The following WNK1 variants were observed in gnomAD, a reference collection of about 807,000 sequenced individuals.
The protein encoded by WNK1 is WNK lysine deficient protein kinase 1.
Under a neutral mutation model 222.8 loss-of-function variants are expected in WNK1, and 38 were observed. That is an observed-to-expected ratio of 0.17 (90% CI 0.13 to 0.22). The LOEUF (loss-of-function observed/expected upper bound fraction) is 0.22. Among genes scored for constraint, WNK1 ranks in the 10% least tolerant of loss-of-function variants. The probability of loss-of-function intolerance (pLI) is 1.00; values close to 1 mark genes in which losing one functional copy is unlikely to be tolerated. For synonymous variants in WNK1, 1,090 were observed against 1,092.9 expected (o/e 1.00, Z 0.05); for missense variants, 2,348 against 2,918.4 (o/e 0.80, Z 4.50).
intron 1 of WNK1, among the ~76,000 whole-genome samples, chr12:782,881 A>G (rs980332325): frequency 4.0e-5 from 6 of 151,816 alleles, no homozygotes; most frequent in African/African-American, 1.5e-4. Flanking sequence ...ATATAACCCA[A>G]TATATATCCA....
At chr12:887,080 A>G (rs1953731883) in intron 19 of WNK1, 141 bp from the exon 20 acceptor site, 2 of 792,352 alleles carry the variant, frequency 2.5e-6, no homozygotes, top group Admixed American at 2.0e-5. Context: ...GATACCAGAG[A>G]GTAACCTCAG....
At chr12:868,299 A>G in intron 8 of WNK1, 1 of 1,608,970 alleles carries the variant, frequency 6.2e-7, no homozygotes, top group Non-Finnish European at 8.5e-7. Context: ...GTACATTACC[A>G]GGCCCGGGTG....
chr12:820,525 G>C (rs560772689), intron 2 of WNK1, among the ~76,000 whole-genome samples: 2 of 147,852 alleles, frequency 1.4e-5, no homozygotes, highest in Admixed American at 1.4e-4. Context: ...ACCGAGGCTG[G>C]AGTGCAGTGG....
chr12:785,358 G>C (rs1236524000), intron 1 of WNK1, among the ~76,000 whole-genome samples: 1 of 151,536 alleles, frequency 6.6e-6, no homozygotes, highest in Non-Finnish European at 1.5e-5. Flanking sequence ...CATATATGTT[G>C]GTTCTCCTAG....
At position 868,962 on chromosome 12, in the gene WNK1, C is replaced by CT. The variant is rs1951913764; in HGVS notation, c.2140-2302dup. 10 of 1,589,332 alleles carry CT rather than the reference C, an allele frequency of 6.3e-6. No individual in the cohort carries two copies. In the East Asian group the frequency reaches 2.0e-4, roughly 32 times the overall value. On this transcript the variant is annotated intron_variant, in intron 8 of 27. Coordinates refer to ENST00000315939, the MANE Select transcript of WNK1 (RefSeq NM_018979.4). ...GGGGGAGCAGCTGCACCTTTTGGCT[C>CT]TGACGTCTCAATGCCCTTTATCCAT...
In WNK1 at chr12:889,206, G is replaced by A. The variant is rs1028471209; in HGVS notation, c.5431G>A (p.Val1811Met). 5 of 1,614,068 alleles carry A rather than the reference G, an allele frequency of 3.1e-6. No individual in the cohort carries two copies. The highest frequency in any genetic ancestry group is 3.3e-4 in the Middle Eastern group (2 of 6,062). The change falls in exon 21 of 28, where the codon GTG becomes ATG. Residue 1811 changes from valine to methionine, a missense_variant. Physicochemically the swap from Val to Met is conservative, Grantham distance 21 (BLOSUM62 1). Around this residue, in one of 13 missense-constraint regions of WNK1, gnomAD observed 1,144 missense variants for 1,273.6 expected, o/e 0.90. Transcript: ENST00000315939. ...RRTLSPEMIT[V>M]TSAVGPVSMA... ...AACACTTAGTCCAGAGATGATCACA[G>A]TGACTTCTGCGGTTGGTGTAAGTTT...
At chr12:810,874 C>G (rs1946842386) in intron 1 of WNK1, among the ~76,000 whole-genome samples, 1 of 152,078 alleles carries the variant, frequency 6.6e-6, no homozygotes. Context: ...TTGCCTGACC[C>G]CCACCCCACC....
chr12:857,995 A>G (rs1950914848), intron 5 of WNK1, among the ~76,000 whole-genome samples: 1 of 152,244 alleles, frequency 6.6e-6, no homozygotes, highest in African/African-American at 2.4e-5. Flanking sequence ...AGATGTATCA[A>G]CCGAATTAAA....
chr12:835,413 G>A (rs1426208187), intron 4 of WNK1, among the ~76,000 whole-genome samples: 2 of 152,168 alleles, frequency 1.3e-5, no homozygotes, highest in African/African-American at 4.8e-5. Flanking sequence ...TGAATTCTGT[G>A]TATCAGGGTT....
intron 22 of WNK1, 81 bp downstream of exon 22, chr12:890,594 A>G: frequency 6.9e-7 from 1 of 1,456,724 alleles, no homozygotes; most frequent in South Asian, 1.2e-5. Flanking sequence ...CGTTTCAAAG[A>G]CACATTTCCA....
At chr12:756,947 G>A (rs1047433859) in intron 1 of WNK1, among the ~76,000 whole-genome samples, 2 of 152,188 alleles carry the variant, frequency 1.3e-5, no homozygotes, top group African/African-American at 2.4e-5. Flanking sequence ...TAAGGAACCT[G>A]AAATCATAGA....
rs150740931 is a variant in WNK1, at chr12:838,278, T to C, written c.1311+8118T>C. 2.7e-3 allele frequency among the ~76,000 whole-genome samples: 412 copies of C among 152,302 alleles called. 1 individual carries two copies. Among genetic ancestry groups the C allele is most frequent in the African/African-American group, 9.3e-3 (385 of 41,560 alleles). On this transcript the variant is annotated intron_variant, in intron 4 of 27. Coordinates refer to ENST00000315939, the MANE Select transcript of WNK1 (RefSeq NM_018979.4). ...TATATACCTAGAAGTGAAATTACCATGTGTATATGCTAATCCTATGTTTAA... is the reference window on the plus strand; with the variant it reads ...TATATACCTAGAAGTGAAATTACCACGTGTATATGCTAATCCTATGTTTAA...
chr12:801,832 T>C (rs1277722973), intron 1 of WNK1, among the ~76,000 whole-genome samples: 1 of 152,172 alleles, frequency 6.6e-6, no homozygotes, highest in Non-Finnish European at 1.5e-5. Context: ...GTACTAATGA[T>C]GAGGCAGATT....
intron 1 of WNK1, among the ~76,000 whole-genome samples, chr12:809,607 A>G (rs1376550177): frequency 6.6e-6 from 1 of 152,126 alleles, no homozygotes; most frequent in South Asian, 2.1e-4. Context: ...TTGCATGAGA[A>G]TTATTATTTT....
intron 1 of WNK1, among the ~76,000 whole-genome samples, chr12:770,179 G>A (rs1046981927): frequency 6.6e-6 from 1 of 151,998 alleles, no homozygotes; most frequent in Non-Finnish European, 1.5e-5. Context: ...TCTCTATGTT[G>A]GTCAGGCTGG....
intron 4 of WNK1, among the ~76,000 whole-genome samples, chr12:845,268 T>C (rs571621646): frequency 1.2e-4 from 19 of 152,326 alleles, no homozygotes; most frequent in African/African-American, 4.3e-4. Context: ...AATATGTTAG[T>C]GTCTGTCTGC....
At chr12:881,885 C>CT (rs753506193) in intron 13 of WNK1, 26 bp from the exon 14 acceptor site, 4 of 1,613,756 alleles carry the variant, frequency 2.5e-6, no homozygotes, top group South Asian at 1.1e-5. Flanking sequence ...ATAAACTGCA[C>CT]TTTTTTTTCT....
At chr12:754,576 A>G (rs1031578035) in intron 1 of WNK1, among the ~76,000 whole-genome samples, 5 of 152,194 alleles carry the variant, frequency 3.3e-5, no homozygotes, top group Admixed American at 6.5e-5. Context: ...TCTTAGTACA[A>G]ACGAATTGTC....
At chr12:868,609 C>T in intron 8 of WNK1, 1 of 1,614,004 alleles carries the variant, frequency 6.2e-7, no homozygotes, top group Non-Finnish European at 8.5e-7. Context: ...ACAATGAGAG[C>T]AGAAGCAACT....
Sources: gnomAD v4.1 joint callset for allele counts (sites outside exome capture counted in the v4.1 genomes callset) on GRCh38, gnomAD v4.1.1 for gene constraint, gnomAD v4.1.1 regional missense constraint, MANE v1.5 for transcripts, NCBI Gene and HGNC (gene_info 2026-07-23, HGNC 2026-07-21) for gene names.